Variants in BUB3 observed in about 807,000 individuals in gnomAD.
The protein encoded by BUB3 is BUB3 mitotic checkpoint protein.
BUB3 carries 22 observed loss-of-function variants against 39.9 expected under a neutral mutation model. The observed-to-expected ratio is 0.55, with a 90% CI of 0.39 to 0.79. The LOEUF (loss-of-function observed/expected upper bound fraction) is 0.79, where lower values mean the gene tolerates loss of function less well. Among genes scored for constraint, BUB3 ranks in the 30% least tolerant of loss-of-function variants. The pLI, the probability that BUB3 is intolerant of heterozygous loss-of-function variation, is 0.00. For synonymous variants in BUB3, 168 were observed against 155.1 expected, an observed-to-expected ratio of 1.08 and a Z score of -0.62; for missense variants, 303 against 415.4, an observed-to-expected ratio of 0.73 and a Z score of 2.35.
chr10:123,157,088 G>T (rs1844359490), intron 3 of BUB3, among the ~76,000 whole-genome samples: 1 of 152,132 alleles, frequency 6.6e-6, no homozygotes, highest in Non-Finnish European at 1.5e-5. Context: ...ACAGATTCTG[G>T]TACATAGTAG....
At position 123,155,653 on chromosome 10, in the gene BUB3, T is replaced by G. The variant is rs764244901; in HGVS notation, c.196-5T>G. On this transcript the variant is annotated splice_region_variant and splice_polypyrimidine_tract_variant and intron_variant, in intron 2 of 7. Transcript: ENST00000368865. Reference sequence around the variant, plus strand: ...GTTTTTAAACGGTTCAAAACTATTTTATAGGATCCAACGCATGCCTGGAGT... The same window carrying G: ...GTTTTTAAACGGTTCAAAACTATTTGATAGGATCCAACGCATGCCTGGAGT... 6.2e-7 allele frequency: 1 copy of G among 1,613,762 alleles called. No homozygotes were observed. Among genetic ancestry groups the G allele is most frequent in the Admixed American group, 1.7e-5 (1 of 60,026 alleles).
rs966054165 is a variant in BUB3 at position 123,164,654 on chromosome 10, C to G, written c.*819C>G. On this transcript the variant is annotated 3_prime_UTR_variant, in exon 8 of 8. Coordinates refer to ENST00000368865, the MANE Select transcript of BUB3 (RefSeq NM_004725.4). ...CTATCTCTAAATGAATTTTTGGAAA[C>G]ATTAATGAGGTTTACATATTTCTCT... is the stretch of plus-strand genomic sequence containing the variant. 3 of 997,168 alleles carry G rather than the reference C, an allele frequency of 3.0e-6. No homozygotes were observed. Among genetic ancestry groups the G allele is most frequent in the Non-Finnish European group, 3.6e-6 (3 of 837,696 alleles). 61.8% of individuals were successfully genotyped at this position (997,168 alleles called of 1,614,324 possible). A position where few individuals can be genotyped will look rare whatever the true frequency, so the allele number is the denominator to read the frequency against.
Position 123,155,647 on chromosome 10 carries a change from C to G in BUB3, c.196-11C>G. 6.2e-7 allele frequency: 1 copy of G among 1,613,382 alleles called. No homozygotes were observed. The highest frequency in any genetic ancestry group is 1.1e-5 in the South Asian group (1 of 91,056). On this transcript the variant is annotated splice_polypyrimidine_tract_variant and intron_variant, in intron 2 of 7. Coordinates refer to ENST00000368865, the MANE Select transcript of BUB3 (RefSeq NM_004725.4). Reference sequence around the variant, plus strand: ...GTTCTAGTTTTTAAACGGTTCAAAACTATTTTATAGGATCCAACGCATGCC... The same window carrying G: ...GTTCTAGTTTTTAAACGGTTCAAAAGTATTTTATAGGATCCAACGCATGCC...
Position 123,167,374 on chromosome 10 carries a change from A to G in BUB3, c.*3539A>G, listed in dbSNP as rs1369449480. The G allele has an allele frequency of 6.6e-6, 1 of 152,160 alleles. No individual in the cohort carries two copies. The highest frequency in any genetic ancestry group is 1.5e-5 in the Non-Finnish European group (1 of 68,042). The allele number at this position is 152,160 out of a possible 1,614,324, so 9.4% of individuals were successfully genotyped here. A position where few individuals can be genotyped will look rare whatever the true frequency, so the allele number is the denominator to read the frequency against. On this transcript the variant is annotated 3_prime_UTR_variant, in exon 8 of 8. Transcript: ENST00000368865. Reference sequence around the variant, plus strand: ...CCCTTCTTCCTTGTTGCAGCTCACAAATAAGTGTGCCCTTTCTCAAAACAC... The same window carrying G: ...CCCTTCTTCCTTGTTGCAGCTCACAGATAAGTGTGCCCTTTCTCAAAACAC...
chr10:123,162,435 T>C (rs1359819154), intron 6 of BUB3, 22 bp downstream of exon 6: 11 of 1,605,254 alleles, frequency 6.9e-6, no homozygotes, highest in African/African-American at 1.3e-5. Flanking sequence ...CATGCTGACC[T>C]ATATTTAATT....
chr10:123,158,215 C>T (rs1160076163), intron 4 of BUB3, among the ~76,000 whole-genome samples: 2 of 152,166 alleles, frequency 1.3e-5, no homozygotes, highest in African/African-American at 2.4e-5. Context: ...GACGCTCCAT[C>T]CCAAACCAGA....
At chr10:123,159,007 C>T (rs1844385932) in intron 4 of BUB3, among the ~76,000 whole-genome samples, 1 of 152,052 alleles carries the variant, frequency 6.6e-6, no homozygotes, top group Non-Finnish European at 1.5e-5. Flanking sequence ...TATGATTGTA[C>T]CATTATAAAT....
chr10:123,160,542 A>T lies in BUB3; in HGVS notation c.553A>T (p.Ile185Leu). 1 of 1,602,928 alleles carries T rather than the reference A, an allele frequency of 6.2e-7. No individual in the cohort carries two copies. The highest frequency in any genetic ancestry group is 8.5e-7 in the Non-Finnish European group (1 of 1,176,846). The change falls in exon 5 of 8, where the codon ATA (isoleucine) becomes TTA (leucine). Residue 185 changes from isoleucine to leucine, a missense_variant. Coordinates refer to ENST00000368865, the MANE Select transcript of BUB3 (RefSeq NM_004725.4). ...ESSLKYQTRC[I>L]RAFPNKQGYV... Reference sequence around the variant, plus strand: ...CAGCCTGAAATACCAGACTCGCTGCATACGAGCGTTTCCAAACAAGCAGGT... The same window carrying T: ...CAGCCTGAAATACCAGACTCGCTGCTTACGAGCGTTTCCAAACAAGCAGGT...
chr10:123,157,195 T>C (rs924153203), intron 3 of BUB3, among the ~76,000 whole-genome samples: 2 of 152,228 alleles, frequency 1.3e-5, no homozygotes, highest in African/African-American at 2.4e-5. Flanking sequence ...CCAAGTGCAG[T>C]AATGAGAGGA....
chr10:123,164,730 TAA>T lies in BUB3; in HGVS notation c.*897_*898del, dbSNP rs1844467111. 1 of 1,083,356 alleles carries T rather than the reference TAA, an allele frequency of 9.2e-7. No homozygotes were observed. 67.1% of individuals were successfully genotyped at this position (1,083,356 alleles called of 1,614,324 possible). A position where few individuals can be genotyped will look rare whatever the true frequency, so the allele number is the denominator to read the frequency against. On this transcript the variant is annotated 3_prime_UTR_variant, in exon 8 of 8. Coordinates refer to ENST00000368865, the MANE Select transcript of BUB3 (RefSeq NM_004725.4). ...TTTCAGTTGACCAGCCGCTGGTGAT[TAA>T]AGTTAAAAAGAAAAAAATTATAGTG...
intron 1 of BUB3, 131 bp from the exon 2 acceptor site, chr10:123,154,787 A>T (rs770861412): frequency 1.0e-5 from 10 of 987,168 alleles, no homozygotes; most frequent in African/African-American, 1.7e-5. Context: ...TGCTCGGCGC[A>T]GGCGCAAGCG....
chr10:123,154,889 C>G (rs1010820163), intron 1 of BUB3, 29 bp from the exon 2 acceptor site: 1 of 1,591,722 alleles, frequency 6.3e-7, no homozygotes, highest in Non-Finnish European at 8.5e-7. Flanking sequence ...CCGCGGGACC[C>G]CTGGGGACTC....
At chr10:123,157,991 G>A in intron 4 of BUB3, 111 bp downstream of exon 4, 1 of 1,160,596 alleles carries the variant, frequency 8.6e-7, no homozygotes, top group Non-Finnish European at 1.2e-6. Flanking sequence ...TCAACATGGG[G>A]GGAAAAAAGG....
In BUB3 at chr10:123,155,631, T is replaced by C. The variant is rs375523090; in HGVS notation, c.196-27T>C. On this transcript the variant is annotated intron_variant, in intron 2 of 7. Coordinates refer to ENST00000368865, the MANE Select transcript of BUB3 (RefSeq NM_004725.4). ...TGAAACCCTTTCAAAAGTTCTAGTT[T>C]TTAAACGGTTCAAAACTATTTTATA... is the stretch of plus-strand genomic sequence containing the variant. The C allele has an allele frequency of 2.9e-5, 46 of 1,609,306 alleles. No individual in the cohort carries two copies. In the African/African-American group the frequency reaches 5.7e-4, roughly 20 times the overall value.
At position 123,162,677 on chromosome 10, in the gene BUB3, C is replaced by A. The variant is rs1004863018; in HGVS notation, c.820C>A (p.Arg274=). 6.2e-7 allele frequency: 1 copy of A among 1,607,240 alleles called. No homozygotes were observed. The highest frequency in any genetic ancestry group is 8.5e-7 in the Non-Finnish European group (1 of 1,178,428). ...CAAAAAGCGACTGTGCCAATTCCAT[C>A]GGTACCCCACGAGCATCGCATCACT... ...FNKKRLCQFH[R]YPTSIASLAF... is the part of the protein sequence containing the mutation. Residue 274 remains arginine, a synonymous_variant, in exon 7 of 8, where the codon CGG becomes AGG. Coordinates refer to ENST00000368865, the MANE Select transcript of BUB3 (RefSeq NM_004725.4).
rs1844457496 is a variant in BUB3 at position 123,164,068 on chromosome 10, T to C, written c.*233T>C. 1 of 1,208,976 alleles carries C rather than the reference T, an allele frequency of 8.3e-7. No homozygotes were observed. Among genetic ancestry groups the C allele is most frequent in the Non-Finnish European group, 1.0e-6 (1 of 972,416 alleles). The allele number at this position is 1,208,976 out of a possible 1,614,324, so 74.9% of individuals were successfully genotyped here. On this transcript the variant is annotated 3_prime_UTR_variant, in exon 8 of 8. Transcript: ENST00000368865. ...TTAAAGGTATTTGGGCAAACAAAAT[T>C]GGAGGGCAAGTGACTGCAGTTTTGA...
chr10:123,160,705 CT>C (rs1844410442), intron 5 of BUB3, 140 bp downstream of exon 5: 1 of 827,606 alleles, frequency 1.2e-6, no homozygotes, highest in South Asian at 3.1e-5. Flanking sequence ...TGTATTCTTC[CT>C]TGATATTTTT....
chr10:123,158,803 A>T (rs1844383388), intron 4 of BUB3, among the ~76,000 whole-genome samples: 1 of 152,232 alleles, frequency 6.6e-6, no homozygotes, highest in Non-Finnish European at 1.5e-5. Context: ...ATGGACAGCC[A>T]CACTGAATCA....
At chr10:123,158,004 G>T in intron 4 of BUB3, 124 bp downstream of exon 4, 2 of 1,090,418 alleles carry the variant, frequency 1.8e-6, no homozygotes, top group Non-Finnish European at 2.5e-6. Flanking sequence ...AAAAAAGGTT[G>T]ACAGTTGGTT....
Sources: gnomAD v4.1 joint callset for allele counts (sites outside exome capture counted in the v4.1 genomes callset) on GRCh38, gnomAD v4.1.1 for gene constraint, MANE v1.5 for transcripts, NCBI Gene and HGNC (gene_info 2026-07-23, HGNC 2026-07-21) for gene names.